The following NLRP13 variants were observed in gnomAD, a reference collection of about 807,000 sequenced individuals.
The protein encoded by NLRP13 is NLR family pyrin domain containing 13.
In NLRP13, 82 loss-of-function variants were observed where a neutral mutation model predicts 94.4. The ratio of observed to expected loss-of-function variants is 0.87; its 90% CI spans 0.73 to 1.04. NLRP13 has a LOEUF of 1.04. Ranked by LOEUF, NLRP13 falls within the 50% of genes least tolerant of loss-of-function variation. NLRP13 has a pLI of 0.00. For missense variants in NLRP13, 1,426 were observed against 1,230.8 expected, an observed-to-expected ratio of 1.16 and a Z score of -2.37; for synonymous variants, 553 against 464.7, an observed-to-expected ratio of 1.19 and a Z score of -2.45.
At chr19:55,910,491 C>T (rs981070196) in intron 6 of NLRP13, 72 bp downstream of exon 6, 10 of 1,389,222 alleles carry the variant, frequency 7.2e-6, no homozygotes, top group Non-Finnish European at 9.7e-6. Flanking sequence ...TAGTCAACCA[C>T]ACTCATCAAA....
intron 7 of NLRP13, among the ~76,000 whole-genome samples, chr19:55,907,133 A>G (rs1288581699): frequency 3.3e-5 from 5 of 151,600 alleles, no homozygotes. Context: ...TAATTTTTGT[A>G]TTTTTTAGTA....
chr19:55,905,544 CAG>C (rs1986321465), intron 7 of NLRP13, among the ~76,000 whole-genome samples: 1 of 151,670 alleles, frequency 6.6e-6, no homozygotes, highest in South Asian at 2.1e-4. Context: ...CCCAGCTACT[CAG>C]AAAGGCTGAG....
chr19:55,907,717 C>G, intron 7 of NLRP13, 75 bp downstream of exon 7: 1 of 1,406,596 alleles, frequency 7.1e-7, no homozygotes, highest in South Asian at 1.2e-5. Context: ...GTGCTGTCAG[C>G]CCTCCCAGTG....
At position 55,910,685 on chromosome 19, in the gene NLRP13, A is replaced by G. The variant is rs758473028; in HGVS notation, c.2160T>C (p.Ser720=). ...SRMHAWNSIC[S]TLVTNENLHE... ...GCAGATTCTCATTTGTGACCAACGT[A>G]GAGCAAATGCTGTTCCATGCGTGCA... The change falls in exon 6 of 11, where the codon TCT becomes TCC. Residue 720 remains serine, a synonymous_variant. Transcript: ENST00000342929. 8.7e-6 allele frequency: 14 copies of G among 1,613,792 alleles called. No homozygotes were observed. The highest frequency in any genetic ancestry group is 1.2e-5 in the Non-Finnish European group (14 of 1,179,674).
At chr19:55,923,489 C>T (rs148623192) in intron 4 of NLRP13, among the ~76,000 whole-genome samples, 31 of 152,252 alleles carry the variant, frequency 2.0e-4, no homozygotes, top group East Asian at 1.2e-3. Context: ...ATCACCCACG[C>T]GCAGGAGTAG....
chr19:55,923,996 T>G lies in NLRP13; in HGVS notation c.458-17A>C. On this transcript the variant is annotated splice_polypyrimidine_tract_variant and intron_variant, in intron 3 of 10. Transcript: ENST00000342929. ...GTACATTCCCTGAAATAAACAGTGATGATGAGATATGAAAATACCCCAGAC... is the reference window on the plus strand; with the variant it reads ...GTACATTCCCTGAAATAAACAGTGAGGATGAGATATGAAAATACCCCAGAC... 6.2e-7 allele frequency: 1 copy of G among 1,603,400 alleles called. No homozygotes were observed. The highest frequency in any genetic ancestry group is 1.7e-5 in the Admixed American group (1 of 59,776).
intron 8 of NLRP13, among the ~76,000 whole-genome samples, chr19:55,903,206 G>A (rs976662783): frequency 3.3e-5 from 5 of 151,954 alleles, no homozygotes; most frequent in Admixed American, 6.6e-5. Flanking sequence ...AATTACACAC[G>A]TATGATTAAC....
At position 55,913,588 on chromosome 19, in the gene NLRP13, A is replaced by AC. The variant is rs997170211; in HGVS notation, c.524-296dup. Among the ~76,000 whole-genome samples, 10 of 148,266 alleles carry AC rather than the reference A, an allele frequency of 6.7e-5. 1 individual carries two copies. Among genetic ancestry groups the AC allele is most frequent in the African/African-American group, 2.0e-4 (8 of 40,386 alleles). On this transcript the variant is annotated intron_variant, in intron 4 of 10. Coordinates refer to ENST00000342929, the MANE Select transcript of NLRP13 (RefSeq NM_176810.2). ...AAAAAAAAAGTTGCAAAATATGAAG[A>AC]CAGTTAAATAATTTGATGATATATA...
chr19:55,905,248 A>G (rs1836807520), intron 7 of NLRP13, 136 bp from the exon 8 acceptor site: 14 of 1,001,952 alleles, frequency 1.4e-5, no homozygotes, highest in Non-Finnish European at 1.8e-5. Flanking sequence ...AAGCTTAAAG[A>G]AGGAGAAAAA....
In NLRP13 at chr19:55,923,994, G is replaced by A. The variant is rs181260247; in HGVS notation, c.458-15C>T. On this transcript the variant is annotated splice_polypyrimidine_tract_variant and intron_variant, in intron 3 of 10. Coordinates refer to ENST00000342929, the MANE Select transcript of NLRP13 (RefSeq NM_176810.2). ...CTGTACATTCCCTGAAATAAACAGTGATGATGAGATATGAAAATACCCCAG... is the reference window on the plus strand; with the variant it reads ...CTGTACATTCCCTGAAATAAACAGTAATGATGAGATATGAAAATACCCCAG... The A allele has an allele frequency of 4.1e-5, 66 of 1,607,074 alleles. No homozygotes were observed. In the Admixed American group the frequency reaches 1.1e-3, roughly 26 times the overall value.
downstream of NLRP13, chr19:55,892,011 C>A: frequency 1.0e-6 from 1 of 992,040 alleles, no homozygotes; most frequent in South Asian, 5.1e-5. Flanking sequence ...TCACCACCAC[C>A]ACTTGTCTTC....
In NLRP13 at chr19:55,913,292, G is replaced by T; in HGVS notation, c.525C>A (p.Asp175Glu). Reference protein sequence around the residue: ...QEEPEMLEEADHRRKYRENMK... With the variant: ...QEEPEMLEEAEHRRKYRENMK... ...TGTTCTCTCTGTATTTTCTTCTGTG[G>T]TCTAGAGAGGGCGGAGTGGGGAGAA... The change falls in exon 5 of 11, where the codon GAC (aspartate) becomes GAA (glutamate). Residue 175 changes from aspartate (D) to glutamate (E), a missense_variant and splice_region_variant. Coordinates refer to ENST00000342929, the MANE Select transcript of NLRP13 (RefSeq NM_176810.2). The T allele has an allele frequency of 1.2e-6, 2 of 1,612,600 alleles. No individual in the cohort carries two copies. The highest frequency in any genetic ancestry group is 1.7e-6 in the Non-Finnish European group (2 of 1,179,158).
rs1226000500 is a variant in NLRP13 at position 55,904,924 on chromosome 19, G to A, written c.2618+18C>T. The A allele has an allele frequency of 1.2e-6, 2 of 1,604,968 alleles. No individual in the cohort carries two copies. Among genetic ancestry groups the A allele is most frequent in the Non-Finnish European group, 1.7e-6 (2 of 1,172,784 alleles). On this transcript the variant is annotated intron_variant, in intron 8 of 10. Coordinates refer to ENST00000342929, the MANE Select transcript of NLRP13 (RefSeq NM_176810.2). Reference sequence around the variant, plus strand: ...GCCCATAGAGTCATATCTAGAAATGGAAGTAGGGAAAACTTACTCCAGTCT... The same window carrying A: ...GCCCATAGAGTCATATCTAGAAATGAAAGTAGGGAAAACTTACTCCAGTCT...
At chr19:55,892,804 G>T (rs148974167), downstream of NLRP13, among the ~76,000 whole-genome samples, 4 of 152,286 alleles carry the variant, frequency 2.6e-5, no homozygotes, top group East Asian at 7.7e-4. Flanking sequence ...TTCTGTTCCT[G>T]CATTAGTTCA....
rs557339735 is a variant in NLRP13, at chr19:55,905,235, C to T, written c.2448-123G>A. The T allele has an allele frequency of 9.9e-6, 11 of 1,112,494 alleles. No homozygotes were observed. The East Asian group carries it at 2.3e-4, about 23-fold the overall frequency. 68.9% of individuals were successfully genotyped at this position (1,112,494 alleles called of 1,614,324 possible). ...TGGGAAGATTAAATTGGAGAAAGAACAAAAGCTTAAAGAAGGAGAAAAAGG... is the reference window on the plus strand; with the variant it reads ...TGGGAAGATTAAATTGGAGAAAGAATAAAAGCTTAAAGAAGGAGAAAAAGG... On this transcript the variant is annotated intron_variant, in intron 7 of 10. Coordinates refer to ENST00000342929, the MANE Select transcript of NLRP13 (RefSeq NM_176810.2).
chr19:55,898,667 C>A lies in NLRP13; in HGVS notation c.2957+103G>T, dbSNP rs910014674. On this transcript the variant is annotated intron_variant, in intron 10 of 10. Coordinates refer to ENST00000342929, the MANE Select transcript of NLRP13 (RefSeq NM_176810.2). Reference sequence around the variant, plus strand: ...GGTGAGATTTCTTAGATGGCTTGTCCTTACTTTGCCTCACTTTCTAACCCC... The same window carrying A: ...GGTGAGATTTCTTAGATGGCTTGTCATTACTTTGCCTCACTTTCTAACCCC... The A allele has an allele frequency of 4.1e-6, 5 of 1,234,426 alleles. No homozygotes were observed. In the African/African-American group the frequency reaches 6.1e-5, roughly 15 times the overall value. The allele number at this position is 1,234,426 out of a possible 1,614,324, so 76.5% of individuals were successfully genotyped here.
At chr19:55,921,190 T>G (rs1986816352) in intron 4 of NLRP13, among the ~76,000 whole-genome samples, 1 of 152,130 alleles carries the variant, frequency 6.6e-6, no homozygotes. Flanking sequence ...AGGTGATGGC[T>G]CCACCAAAAG....
intron 4 of NLRP13, among the ~76,000 whole-genome samples, chr19:55,917,725 A>G (rs1986706548): frequency 6.7e-6 from 1 of 149,990 alleles, no homozygotes; most frequent in African/African-American, 2.4e-5. Flanking sequence ...AGAAGATATA[A>G]TAATCCTAAA....
At chr19:55,931,956 A>G in intron 1 of NLRP13, 37 bp downstream of exon 1, 1 of 1,597,468 alleles carries the variant, frequency 6.3e-7, no homozygotes, top group Admixed American at 1.7e-5. Context: ...CAGGAGTACC[A>G]AGCAGCCCTC....
Sources: allele counts gnomAD v4.1 joint callset (sites outside exome capture counted in the v4.1 genomes callset), GRCh38; gene constraint gnomAD v4.1.1; transcripts MANE v1.5; gene names NCBI Gene and HGNC (gene_info 2026-07-23, HGNC 2026-07-21).